The following SEM1 variants were observed in gnomAD, a reference collection of about 807,000 sequenced individuals.
The protein encoded by SEM1 is 26S proteasome complex subunit SEM1.
SEM1 carries 3 observed loss-of-function variants against 12.7 expected under a neutral mutation model. The ratio of observed to expected loss-of-function variants is 0.24; its 90% confidence interval spans 0.11 to 0.61. The LOEUF is 0.61. SEM1 is among the 20% of genes least tolerant of loss of function. SEM1 has a pLI of 0.88. For synonymous variants in SEM1, 30 were observed against 27.8 expected, an observed-to-expected ratio of 1.08 and a Z score of -0.25; for missense variants, 59 against 81.3, an observed-to-expected ratio of 0.73 and a Z score of 1.06.
At chr7:96,624,375 G>A (rs1180195598) in intron 2 of SEM1, among the ~76,000 whole-genome samples, 1 of 152,152 alleles carries the variant, frequency 6.6e-6, no homozygotes, top group Admixed American at 6.5e-5. Flanking sequence ...ATTTTGTCAA[G>A]AGAGTCTCAT....
intron 1 of SEM1, among the ~76,000 whole-genome samples, chr7:96,486,630 A>T (rs372153121): frequency 2.2e-4 from 34 of 152,166 alleles, no homozygotes; most frequent in African/African-American, 7.2e-4. Flanking sequence ...CCTCTTTTTA[A>T]TCATTCCACT....
chr7:96,509,150 C>G (rs969076319), intron 2 of SEM1, among the ~76,000 whole-genome samples: 3 of 134,132 alleles, frequency 2.2e-5, no homozygotes, highest in Non-Finnish European at 4.6e-5. Context: ...CCACGTCCAG[C>G]TAATTTTTTT....
At chr7:96,634,305 A>G (rs890186810) in intron 2 of SEM1, among the ~76,000 whole-genome samples, 1 of 152,106 alleles carries the variant, frequency 6.6e-6, no homozygotes, top group African/African-American at 2.4e-5. Context: ...ATTGAGATGG[A>G]GTCTTCTATT....
chr7:96,568,936 C>T (rs1300901176), intron 2 of SEM1, among the ~76,000 whole-genome samples: 2 of 151,766 alleles, frequency 1.3e-5, no homozygotes, highest in African/African-American at 4.8e-5. Context: ...ACTAGTTTGT[C>T]ATAACATATT....
At position 96,605,882 on chromosome 7, in the gene SEM1, C is replaced by A. The variant is rs116173198; in HGVS notation, c.170+88916G>T. Reference sequence around the variant, plus strand: ...TTCTGAGTAGTGTGAGGCAATCTCACACTATCCTGCTCCATCCTGCCTGGG... The same window carrying A: ...TTCTGAGTAGTGTGAGGCAATCTCAAACTATCCTGCTCCATCCTGCCTGGG... On this transcript the variant is annotated intron_variant and NMD_transcript_variant, in intron 2 of 3. Transcript: ENST00000466986. 2.8e-3 allele frequency among the ~76,000 whole-genome samples: 427 copies of A among 152,284 alleles called. 1 individual carries two copies. The highest frequency in any genetic ancestry group is 9.9e-3 in the African/African-American group (410 of 41,568).
At chr7:96,706,844 G>A (rs1790483387) in intron 1 of SEM1, among the ~76,000 whole-genome samples, 1 of 152,122 alleles carries the variant, frequency 6.6e-6, no homozygotes, top group South Asian at 2.1e-4. Flanking sequence ...GCGTTTGAAA[G>A]TAAGATCTGT....
chr7:96,498,291 C>A (rs750504744), upstream of SEM1, among the ~76,000 whole-genome samples: 3 of 152,116 alleles, frequency 2.0e-5, no homozygotes, highest in African/African-American at 7.2e-5. Flanking sequence ...TGAACCTTAT[C>A]TACAGATGTT....
downstream of SEM1, chr7:96,673,106 T>C (rs985349067): frequency 6.6e-6 from 1 of 152,036 alleles, no homozygotes; most frequent in Non-Finnish European, 1.5e-5. Context: ...ATTTTTATTT[T>C]TATTTTTTAT....
intron 2 of SEM1, among the ~76,000 whole-genome samples, chr7:96,535,103 G>T (rs1471915838): frequency 6.6e-6 from 1 of 151,844 alleles, no homozygotes; most frequent in Admixed American, 6.6e-5. Flanking sequence ...ATTACTTCAA[G>T]GTAGCCATCT....
chr7:96,516,397 A>C (rs1804096836), intron 2 of SEM1, among the ~76,000 whole-genome samples: 1 of 152,186 alleles, frequency 6.6e-6, no homozygotes, highest in Admixed American at 6.5e-5. Flanking sequence ...GTCAGAAAAC[A>C]ACCTAATTTA....
At chr7:96,649,312 A>C (rs796584245) in intron 2 of SEM1, 3 of 152,300 alleles carry the variant, frequency 2.0e-5, no homozygotes, top group African/African-American at 7.2e-5. Flanking sequence ...TGTGTTTTCT[A>C]TAGCCCACTA....
intron 2 of SEM1, among the ~76,000 whole-genome samples, chr7:96,562,846 T>C (rs1169786747): frequency 6.6e-6 from 1 of 152,154 alleles, no homozygotes; most frequent in Non-Finnish European, 1.5e-5. Context: ...TTATTTACCA[T>C]AGATGTAGAT....
intron 2 of SEM1, among the ~76,000 whole-genome samples, chr7:96,565,183 A>G (rs369441491): frequency 3.3e-5 from 5 of 151,932 alleles, no homozygotes; most frequent in African/African-American, 1.2e-4. Context: ...CCTTTTTAAA[A>G]TCCCCTTTTC....
At chr7:96,552,397 G>T (rs1438980046) in intron 2 of SEM1, among the ~76,000 whole-genome samples, 1 of 151,578 alleles carries the variant, frequency 6.6e-6, no homozygotes, top group Non-Finnish European at 1.5e-5. Flanking sequence ...GTGTCCATGT[G>T]ATCTCATTGT....
At chr7:96,535,083 T>TA (rs1264953859) in intron 2 of SEM1, among the ~76,000 whole-genome samples, 3 of 152,014 alleles carry the variant, frequency 2.0e-5, no homozygotes, top group Admixed American at 6.6e-5. Context: ...GTCTAACTCA[T>TA]AAGTTAGACA....
At chr7:96,541,210 G>A (rs972801700) in intron 2 of SEM1, among the ~76,000 whole-genome samples, 1 of 151,844 alleles carries the variant, frequency 6.6e-6, no homozygotes, top group African/African-American at 2.4e-5. Flanking sequence ...TCCACCAATA[G>A]TATATAAGCA....
Position 96,615,239 on chromosome 7 carries a change from ATCTTTTTT to A in SEM1, c.170+79551_170+79558del, listed in dbSNP as rs1458124355. Among the ~76,000 whole-genome samples, 26 of 98,142 alleles carry A rather than the reference ATCTTTTTT, an allele frequency of 2.6e-4. 2 individuals carry two copies. Among genetic ancestry groups the A allele is most frequent in the African/African-American group, 4.6e-4 (11 of 23,760 alleles). 64.4% of individuals were successfully genotyped at this position (98,142 alleles called of 152,430 possible). On this transcript the variant is annotated intron_variant and NMD_transcript_variant, in intron 2 of 3. Coordinates refer to the SEM1 transcript ENST00000466986. Reference sequence around the variant, plus strand: ...GGACTGTTGGGTTATTTTTTGAGTCATCTTTTTTTTTTTTTTTTTTTTTTTTGGAGACA... The same window carrying A: ...GGACTGTTGGGTTATTTTTTGAGTCATTTTTTTTTTTTTTTTTTGGAGACA...
intron 2 of SEM1, chr7:96,649,721 C>T (rs760241909): frequency 1.6e-4 from 24 of 152,212 alleles, no homozygotes; most frequent in Non-Finnish European, 2.2e-4. Context: ...CAAGAAGAGT[C>T]TGATTTAATT....
intron 2 of SEM1, among the ~76,000 whole-genome samples, chr7:96,536,360 CT>C (rs1409379693): frequency 6.6e-6 from 1 of 151,690 alleles, no homozygotes; most frequent in Non-Finnish European, 1.5e-5. Flanking sequence ...GTGAATGTTT[CT>C]TGTGACCTTG....
Sources: allele counts gnomAD v4.1 joint callset (sites outside exome capture counted in the v4.1 genomes callset), GRCh38; gene constraint gnomAD v4.1.1; transcripts MANE v1.5; gene names NCBI Gene and HGNC (gene_info 2026-07-23, HGNC 2026-07-21).